Variants in C12orf42 observed in about 807,000 individuals in gnomAD.
C12orf42 encodes chromosome 12 open reading frame 42.
C12orf42 carries 25 observed loss-of-function variants against 21.6 expected under a neutral mutation model. That is an observed-to-expected ratio of 1.16 (90% CI 0.84 to 1.62). The LOEUF (loss-of-function observed/expected upper bound fraction) is 1.62. Ranked by LOEUF, C12orf42 falls within the 40% of genes most tolerant of loss-of-function variation. The probability of loss-of-function intolerance (pLI) is 0.00; values close to 1 mark genes in which losing one functional copy is unlikely to be tolerated. For synonymous variants in C12orf42, 174 were observed against 175.0 expected (o/e 0.99, Z 0.05); for missense variants, 483 against 459.3 (o/e 1.05, Z -0.47).
chr12:103,219,213 A>G, the C12orf42 span, among the ~76,000 whole-genome samples: 2 of 152,266 alleles, frequency 1.3e-5, no homozygotes, highest in Non-Finnish European at 2.9e-5. Context: ...CCATATGCAG[A>G]AAACTGAAAC....
chr12:103,184,977 C>T, the C12orf42 span, among the ~76,000 whole-genome samples: 1 of 151,838 alleles, frequency 6.6e-6, no homozygotes, highest in Non-Finnish European at 1.5e-5. Flanking sequence ...GAAACTAAAC[C>T]CACTAACACC....
At chr12:103,200,225 G>C in the C12orf42 span, among the ~76,000 whole-genome samples, 2 of 152,146 alleles carry the variant, frequency 1.3e-5, no homozygotes, top group African/African-American at 4.8e-5. Flanking sequence ...AAATAAGCCA[G>C]ACACAGAAGG....
At chr12:103,169,159 TATAAATAA>T in the C12orf42 span, among the ~76,000 whole-genome samples, 45,287 of 145,242 alleles carry the variant, frequency 0.31, 7,264 homozygotes, top group Middle Eastern at 0.37. Context: ...TAAAGTATAA[TATAAATAA>T]ATAAATAAAT....
chr12:103,217,718 C>T, the C12orf42 span, among the ~76,000 whole-genome samples: 1 of 152,092 alleles, frequency 6.6e-6, no homozygotes, highest in Non-Finnish European at 1.5e-5. Context: ...GCTTAGTGTG[C>T]AGTGAAATGT....
the C12orf42 span, among the ~76,000 whole-genome samples, chr12:103,548,476 G>C: frequency 6.6e-6 from 1 of 151,968 alleles, no homozygotes; most frequent in African/African-American, 2.4e-5. Flanking sequence ...AATGAAACTC[G>C]ACATAAATAG....
chr12:103,328,466 T>C (rs2040908845), intron 4 of C12orf42, among the ~76,000 whole-genome samples: 1 of 152,126 alleles, frequency 6.6e-6, no homozygotes, highest in Non-Finnish European at 1.5e-5. Flanking sequence ...ATGTCAGCTA[T>C]ATTAAATAGT....
the C12orf42 span, among the ~76,000 whole-genome samples, chr12:103,196,983 C>T: frequency 2.6e-4 from 40 of 152,064 alleles, no homozygotes; most frequent in Non-Finnish European, 4.9e-4. Context: ...GGTATGTAGA[C>T]TTAATTGTAT....
the C12orf42 span, among the ~76,000 whole-genome samples, chr12:103,224,445 C>A: frequency 6.6e-6 from 1 of 152,164 alleles, no homozygotes; most frequent in Admixed American, 6.5e-5. Flanking sequence ...ATAAATTAAG[C>A]GTGATCAGGG....
chr12:103,351,359 G>A (rs895609261), intron 4 of C12orf42, among the ~76,000 whole-genome samples: 2 of 151,778 alleles, frequency 1.3e-5, no homozygotes, highest in South Asian at 4.2e-4. Flanking sequence ...TTCCCTTTTC[G>A]GTCTGTAAAT....
At chr12:103,291,808 G>A (rs987042527) in intron 4 of C12orf42, among the ~76,000 whole-genome samples, 1 of 152,066 alleles carries the variant, frequency 6.6e-6, no homozygotes, top group African/African-American at 2.4e-5. Context: ...GGTTTTAGCT[G>A]GTTTTGGCCT....
chr12:103,222,032 G>A, the C12orf42 span, among the ~76,000 whole-genome samples: 13 of 152,276 alleles, frequency 8.5e-5, no homozygotes, highest in Middle Eastern at 3.4e-3. Flanking sequence ...GGTCCTGGGA[G>A]GTAAGCCATA....
At chr12:103,535,872 G>T in the C12orf42 span, among the ~76,000 whole-genome samples, 1 of 152,130 alleles carries the variant, frequency 6.6e-6, no homozygotes, top group Admixed American at 6.6e-5. Context: ...AGATTGCCTG[G>T]TCTCAATTGA....
the C12orf42 span, among the ~76,000 whole-genome samples, chr12:103,207,141 G>A: frequency 1.3e-5 from 2 of 152,348 alleles, no homozygotes; most frequent in East Asian, 3.8e-4. Context: ...CATTAGAGAA[G>A]TAATATCCCA....
At chr12:103,238,278 C>T (rs2033551154) in intron 10 of C12orf42, among the ~76,000 whole-genome samples, 1 of 151,798 alleles carries the variant, frequency 6.6e-6, no homozygotes, top group African/African-American at 2.4e-5. Context: ...TGCAACAGTA[C>T]AGCTGAATAG....
At chr12:103,263,583 C>T (rs749021873), downstream of C12orf42, among the ~76,000 whole-genome samples, 26 of 152,056 alleles carry the variant, frequency 1.7e-4, no homozygotes, top group Non-Finnish European at 3.7e-4. Context: ...GGGATAGAGC[C>T]CTACATGCTC....
chr12:103,198,134 A>G, the C12orf42 span, among the ~76,000 whole-genome samples: 1 of 152,236 alleles, frequency 6.6e-6, no homozygotes, highest in Admixed American at 6.5e-5. Context: ...TACATGCAAT[A>G]GTGGCGGTGA....
the C12orf42 span, among the ~76,000 whole-genome samples, chr12:103,224,531 T>C: frequency 6.6e-6 from 1 of 152,030 alleles, no homozygotes; most frequent in African/African-American, 2.4e-5. Context: ...GTCATGGGGG[T>C]CAGGTGTGGT....
chr12:103,118,665 G>A, the C12orf42 span, among the ~76,000 whole-genome samples: 14 of 151,316 alleles, frequency 9.3e-5, no homozygotes, highest in Non-Finnish European at 2.9e-5. Context: ...AGGCGTGGTG[G>A]TGGGCGCCTG....
intron 3 of C12orf42, among the ~76,000 whole-genome samples, chr12:103,388,166 G>A (rs2046774209): frequency 2.0e-5 from 3 of 152,200 alleles, no homozygotes; most frequent in Non-Finnish European, 4.4e-5. Context: ...CTTGGTGCCA[G>A]AGAAGGGGGG....
Sources: gnomAD v4.1 joint callset for allele counts (sites outside exome capture counted in the v4.1 genomes callset) on GRCh38, gnomAD v4.1.1 for gene constraint, MANE v1.5 for transcripts, NCBI Gene and HGNC (gene_info 2026-07-23, HGNC 2026-07-21) for gene names.